PACS2: variants seen among roughly 807,000 people sequenced by gnomAD.
The protein encoded by PACS2 is PACS1-like protein.
In PACS2, 36 loss-of-function variants were observed where a neutral mutation model predicts 113.0. The observed-to-expected ratio is 0.32, with a 90% CI of 0.24 to 0.42. PACS2 has a LOEUF of 0.42. PACS2 is among the 10% of genes least tolerant of loss of function. PACS2 has a pLI of 1.00. For missense variants in PACS2, 1,015 were observed against 1,239.5 expected (o/e 0.82, Z 2.72); for synonymous variants, 589 against 536.1 (o/e 1.10, Z -1.36).
intron 1 of PACS2, among the ~76,000 whole-genome samples, chr14:105,308,739 C>T (rs368906221): frequency 6.6e-6 from 1 of 152,108 alleles, no homozygotes; most frequent in Non-Finnish European, 1.5e-5. Flanking sequence ...CCTCAGCCCC[C>T]CAAAGTGCTG....
chr14:105,388,229 A>T (rs1425189047), intron 19 of PACS2, among the ~76,000 whole-genome samples: 1 of 151,610 alleles, frequency 6.6e-6, no homozygotes, highest in Non-Finnish European at 1.5e-5. Context: ...GGAGCCGTCC[A>T]GGTTGGCGTC....
Position 105,384,404 on chromosome 14 carries a change from A to C in PACS2, c.1832A>C (p.Asn611Thr). ...GGCTCCGTGGACTACCGCTACAACAACTTCTTCCAGGACCTGGCCTGGAGA... is the reference window on the plus strand; with the variant it reads ...GGCTCCGTGGACTACCGCTACAACACCTTCTTCCAGGACCTGGCCTGGAGA... ...YLGSVDYRYN[N>T]FFQDLAWRDL... Residue 611 changes from asparagine to threonine, a missense_variant, in exon 17 of 25, where the codon AAC becomes ACC. Physicochemically the swap from Asn to Thr is moderately conservative, Grantham distance 65. Transcript: ENST00000447393. 1 of 1,612,550 alleles carries C rather than the reference A, an allele frequency of 6.2e-7. No individual in the cohort carries two copies. Among genetic ancestry groups the C allele is most frequent in the Non-Finnish European group, 8.5e-7 (1 of 1,179,836 alleles).
chr14:105,380,715 C>T (rs958194077), intron 11 of PACS2, among the ~76,000 whole-genome samples: 7 of 152,108 alleles, frequency 4.6e-5, no homozygotes, highest in African/African-American at 1.7e-4. Flanking sequence ...AGGTCCTGGG[C>T]CCAGGGCAAG....
In PACS2 at chr14:105,382,570, T is replaced by A; in HGVS notation, c.1507T>A (p.Trp503Arg). The A allele has an allele frequency of 6.2e-7, 1 of 1,603,878 alleles. No homozygotes were observed. Among genetic ancestry groups the A allele is most frequent in the South Asian group, 1.1e-5 (1 of 90,914 alleles). ...ENIILVNTSD[W>R]QGQFLSDVLQ... The stretch of plus-strand genomic sequence containing the variant: ...CATCATCCTTGTCAACACCTCGGAC[T>A]GGCAGGGGCAGGTAGAGGGGCAGTC... The change falls in exon 14 of 25, where the codon TGG becomes AGG. Residue 503 changes from tryptophan to arginine, a missense_variant. Coordinates refer to ENST00000447393, the MANE Select transcript of PACS2 (RefSeq NM_001100913.3).
upstream of PACS2, among the ~76,000 whole-genome samples, chr14:105,314,161 G>A (rs971298993): frequency 3.3e-5 from 5 of 152,142 alleles, no homozygotes; most frequent in African/African-American, 9.7e-5. Flanking sequence ...ACCTCCCTGC[G>A]TCCCGGGGAA....
chr14:105,345,853 G>A (rs2140988406), intron 1 of PACS2, among the ~76,000 whole-genome samples: 1 of 152,314 alleles, frequency 6.6e-6, no homozygotes, highest in South Asian at 2.1e-4. Context: ...TGGGAATCCG[G>A]GCAGCCCCAG....
chr14:105,345,196 G>A (rs1201922295), intron 1 of PACS2, among the ~76,000 whole-genome samples: 16 of 152,038 alleles, frequency 1.1e-4, no homozygotes, highest in African/African-American at 3.6e-4. Flanking sequence ...TCACGAGGTC[G>A]GGAGATTGAG....
At chr14:105,320,057 A>G (rs2058831212) in intron 1 of PACS2, among the ~76,000 whole-genome samples, 1 of 152,174 alleles carries the variant, frequency 6.6e-6, no homozygotes, top group African/African-American at 2.4e-5. Flanking sequence ...AGCTCACTGC[A>G]ACCTCTGCCT....
Position 105,382,462 on chromosome 14 carries a change from G to A in PACS2, c.1414-15G>A, listed in dbSNP as rs1555412297. Reference sequence around the variant, plus strand: ...TGCTTCTCTTCTGGGTGTGGACAGGGCTCTGTGCCTCCAGATCCCCAGGAA... The same window carrying A: ...TGCTTCTCTTCTGGGTGTGGACAGGACTCTGTGCCTCCAGATCCCCAGGAA... On this transcript the variant is annotated splice_polypyrimidine_tract_variant and intron_variant, in intron 13 of 24. Transcript: ENST00000447393. 1.1e-5 allele frequency: 17 copies of A among 1,482,316 alleles called. No individual in the cohort carries two copies. The highest frequency in any genetic ancestry group is 1.6e-5 in the Non-Finnish European group (17 of 1,060,322). The allele number at this position is 1,482,316 out of a possible 1,614,324, so 91.8% of individuals were successfully genotyped here.
chr14:105,386,936 C>T (rs2081196162), intron 19 of PACS2, among the ~76,000 whole-genome samples: 1 of 152,210 alleles, frequency 6.6e-6, no homozygotes, highest in Non-Finnish European at 1.5e-5. Flanking sequence ...TTCTGGCCGC[C>T]CGGCCGCCGC....
At chr14:105,339,846 G>A (rs1338743181) in intron 1 of PACS2, among the ~76,000 whole-genome samples, 1 of 152,228 alleles carries the variant, frequency 6.6e-6, no homozygotes, top group Non-Finnish European at 1.5e-5. Context: ...GTTTCACCAT[G>A]TTGGCCAGGC....
intron 22 of PACS2, chr14:105,392,220 C>T (rs587741407): frequency 2.7e-4 from 88 of 328,634 alleles, no homozygotes; most frequent in South Asian, 2.1e-3. Flanking sequence ...TGAGGCCAGG[C>T]GTGGTGCTGG....
At chr14:105,312,767 C>T (rs955595245), upstream of PACS2, among the ~76,000 whole-genome samples, 2 of 152,214 alleles carry the variant, frequency 1.3e-5, no homozygotes, top group African/African-American at 2.4e-5. Flanking sequence ...TACAGAAGAC[C>T]ACAGTCCCAT....
chr14:105,364,726 TTAC>T (rs1555407563), intron 4 of PACS2, among the ~76,000 whole-genome samples: 1 of 149,268 alleles, frequency 6.7e-6, no homozygotes. Flanking sequence ...AGACGGGGTC[TTAC>T]TTTGCCACCC....
At position 105,376,844 on chromosome 14, in the gene PACS2, T is replaced by C. The variant is rs782182115; in HGVS notation, c.878T>C (p.Leu293Pro). ...GACCTGGACCTCCTGTATGACACCC[T>C]GGACATGGAGCACCCCAGCGACAGC... ...EEDLDLLYDT[L>P]DMEHPSDSGP... The change falls in exon 9 of 25, where the codon CTG becomes CCG. Residue 293 changes from leucine (L) to proline (P), a missense_variant. By Grantham distance (98) the Leu-to-Pro change is moderately conservative. Coordinates refer to ENST00000447393, the MANE Select transcript of PACS2 (RefSeq NM_001100913.3). The surrounding 1 kb of genome is among the most constrained non-coding windows in gnomAD (Gnocchi z 4.7). The C allele has an allele frequency of 2.5e-5, 41 of 1,613,054 alleles. No individual in the cohort carries two copies. The highest frequency in any genetic ancestry group is 2.7e-5 in the Non-Finnish European group (32 of 1,179,842).
chr14:105,314,844 C>T lies in PACS2; in HGVS notation c.-75C>T. On this transcript the variant is annotated 5_prime_UTR_variant, in exon 1 of 25. Coordinates refer to ENST00000447393, the MANE Select transcript of PACS2 (RefSeq NM_001100913.3). ...TGTGACCGCGCCGCCGCCCTCCGCG[C>T]GCCCGGCCCGCCCGCCGCGCGTCCG... 1 of 603,306 alleles carries T rather than the reference C, an allele frequency of 1.7e-6. No homozygotes were observed. The highest frequency in any genetic ancestry group is 2.1e-6 in the Non-Finnish European group (1 of 485,518). The allele number at this position is 603,306 out of a possible 1,614,324, so 37.4% of individuals were successfully genotyped here.
chr14:105,361,799 A>G (rs2141097221), intron 4 of PACS2, among the ~76,000 whole-genome samples: 1 of 152,248 alleles, frequency 6.6e-6, no homozygotes, highest in African/African-American at 2.4e-5. Flanking sequence ...AAAATACAAA[A>G]TTAGCTGGGT....
At chr14:105,375,697 G>C (rs1438676347) in intron 8 of PACS2, among the ~76,000 whole-genome samples, 1 of 152,188 alleles carries the variant, frequency 6.6e-6, no homozygotes, top group Non-Finnish European at 1.5e-5. Context: ...CCCACACCCT[G>C]CTGGGGGAAT....
Position 105,348,400 on chromosome 14 carries a change from A to C in PACS2, c.120-93A>C. On this transcript the variant is annotated intron_variant, in intron 1 of 24. Transcript: ENST00000447393. The surrounding 1 kb of genome is among the most constrained non-coding windows in gnomAD (Gnocchi z 6.4). The stretch of plus-strand genomic sequence containing the variant: ...CACCCCGCCCTGCACCCCAGGGTGC[A>C]GGCTCCCGGGGTGACACAGTGCTGG... The C allele has an allele frequency of 1.1e-6, 1 of 948,752 alleles. No individual in the cohort carries two copies. Among genetic ancestry groups the C allele is most frequent in the Non-Finnish European group, 1.6e-6 (1 of 613,600 alleles). The allele number at this position is 948,752 out of a possible 1,614,324, so 58.8% of individuals were successfully genotyped here.
Sources: gnomAD v4.1 joint callset for allele counts (sites outside exome capture counted in the v4.1 genomes callset) on GRCh38, gnomAD v4.1.1 for gene constraint, Gnocchi (gnomAD v3.1) non-coding constraint, MANE v1.5 for transcripts, NCBI Gene and HGNC (gene_info 2026-07-23, HGNC 2026-07-21) for gene names.